ABHD2: variants seen among roughly 807,000 people sequenced by gnomAD.
The protein encoded by ABHD2 is monoacylglycerol lipase ABHD2.
In ABHD2, 20 loss-of-function variants were observed where a neutral mutation model predicts 48.1. The observed-to-expected ratio is 0.42, with a 90% CI of 0.29 to 0.60. The LOEUF (loss-of-function observed/expected upper bound fraction) is 0.60. ABHD2 is among the 20% of genes least tolerant of loss of function. ABHD2 has a pLI of 0.24. For missense variants in ABHD2, 405 were observed against 550.9 expected (o/e 0.74, Z 2.65); for synonymous variants, 209 against 214.2 (o/e 0.98, Z 0.21).
the ABHD2 span, among the ~76,000 whole-genome samples, chr15:89,079,267 T>A: frequency 6.6e-6 from 1 of 152,216 alleles, no homozygotes; most frequent in Non-Finnish European, 1.5e-5. This position sits in a 1 kb window ranked among gnomAD's most constrained non-coding sequence, Gnocchi z 4.3. Context: ...CAAAGCCGCA[T>A]AGGAAAGTAA....
intron 3 of ABHD2, among the ~76,000 whole-genome samples, chr15:89,130,747 T>TC (rs1383210817): frequency 6.6e-6 from 1 of 152,148 alleles, no homozygotes; most frequent in Non-Finnish European, 1.5e-5. Flanking sequence ...TTATGAGATT[T>TC]TTTGTGTGAT....
At position 89,185,599 on chromosome 15, in the gene ABHD2, G is replaced by C; in HGVS notation, c.815+83G>C. 1 of 1,232,286 alleles carries C rather than the reference G, an allele frequency of 8.1e-7. No homozygotes were observed. Among genetic ancestry groups the C allele is most frequent in the Non-Finnish European group, 1.2e-6 (1 of 853,676 alleles). The allele number at this position is 1,232,286 out of a possible 1,614,324, so 76.3% of individuals were successfully genotyped here. On this transcript the variant is annotated intron_variant, in intron 7 of 10. Transcript: ENST00000352732. This position sits in a 1 kb window ranked among gnomAD's most constrained non-coding sequence, Gnocchi z 5.9. ...GGAACCGTGAAAAGCCAGGACTCCT[G>C]TTCCTTCAGGGGAAAAAAAAAAATG...
intron 6 of ABHD2, among the ~76,000 whole-genome samples, chr15:89,180,564 C>G (rs1455043729): frequency 6.6e-6 from 1 of 152,212 alleles, no homozygotes; most frequent in African/African-American, 2.4e-5. Context: ...GATGACCTCT[C>G]TACAGATTGA....
Position 89,091,312 on chromosome 15 carries a change from T to G in ABHD2, c.-107+2749T>G, listed in dbSNP as rs1199217311. ...GATTGAACCAAAGATTATCACTTCATTAAATGGCACCTTCTCATGCTTTAT... is the reference window on the plus strand; with the variant it reads ...GATTGAACCAAAGATTATCACTTCAGTAAATGGCACCTTCTCATGCTTTAT... On this transcript the variant is annotated intron_variant, in intron 1 of 10. Coordinates refer to ENST00000352732, the MANE Select transcript of ABHD2 (RefSeq NM_152924.5). The surrounding 1 kb of genome is among the most constrained non-coding windows in gnomAD (Gnocchi z 5.5). Among the ~76,000 whole-genome samples the G allele has an allele frequency of 6.6e-6, 1 of 152,234 alleles. No individual in the cohort carries two copies. The highest frequency in any genetic ancestry group is 1.5e-5 in the Non-Finnish European group (1 of 68,042).
At chr15:89,052,564 C>A in the ABHD2 span, among the ~76,000 whole-genome samples, 2 of 151,690 alleles carry the variant, frequency 1.3e-5, no homozygotes, top group Admixed American at 1.3e-4. Flanking sequence ...GACAGACACA[C>A]ACACACACAC....
chr15:89,062,412 T>A, the ABHD2 span, among the ~76,000 whole-genome samples: 1 of 151,984 alleles, frequency 6.6e-6, no homozygotes, highest in Non-Finnish European at 1.5e-5. Flanking sequence ...TGAGACAGGG[T>A]CTCACTGTGT....
chr15:89,095,686 C>G (rs1159310881), intron 1 of ABHD2, among the ~76,000 whole-genome samples: 2 of 152,166 alleles, frequency 1.3e-5, no homozygotes, highest in Admixed American at 1.3e-4. Flanking sequence ...CTTCCGTGTC[C>G]CCACCACACT....
the ABHD2 span, among the ~76,000 whole-genome samples, chr15:89,071,529 C>G: frequency 3.1e-4 from 47 of 152,312 alleles, no homozygotes; most frequent in African/African-American, 1.1e-3. Flanking sequence ...AAACAGCATG[C>G]AGTTTATACA....
chr15:89,043,600 AGAG>A, the ABHD2 span, among the ~76,000 whole-genome samples: 1 of 137,208 alleles, frequency 7.3e-6, no homozygotes, highest in South Asian at 2.6e-4. Context: ...AAGGAGGAGG[AGAG>A]GAGGAGGAGA....
At position 89,200,662 on chromosome 15, in the gene ABHD2, C is replaced by CA. The variant is rs200841200; in HGVS notation, c.*5246dup. The CA allele has an allele frequency of 0.017, 3,330 of 198,372 alleles. 121 individuals carry two copies. The highest frequency in any genetic ancestry group is 0.073 in the African/African-American group (3,115 of 42,748). The allele number at this position is 198,372 out of a possible 1,614,324, so 12.3% of individuals were successfully genotyped here. A position where few individuals can be genotyped will look rare whatever the true frequency, so the allele number is the denominator to read the frequency against. ...AAGCCTGTATGACGCTGTACACACA[C>CA]AAAAAAATGGTCACCGCAGGCCATA... is the stretch of plus-strand genomic sequence containing the variant. On this transcript the variant is annotated 3_prime_UTR_variant, in exon 11 of 11. Transcript: ENST00000352732.
chr15:89,134,841 G>T (rs1283276459), intron 3 of ABHD2, among the ~76,000 whole-genome samples: 1 of 152,068 alleles, frequency 6.6e-6, no homozygotes, highest in Non-Finnish European at 1.5e-5. Flanking sequence ...AGCAAGAATG[G>T]GGTCAAGTTT....
At chr15:89,060,245 C>A in the ABHD2 span, among the ~76,000 whole-genome samples, 2 of 151,774 alleles carry the variant, frequency 1.3e-5, no homozygotes, top group African/African-American at 2.4e-5. Flanking sequence ...CACCCACAAC[C>A]ATGCCCGGCT....
At position 89,168,657 on chromosome 15, in the gene ABHD2, G is replaced by A. The variant is rs561592026; in HGVS notation, c.539-7155G>A. On this transcript the variant is annotated intron_variant, in intron 5 of 10. Coordinates refer to ENST00000352732, the MANE Select transcript of ABHD2 (RefSeq NM_152924.5). This position sits in a 1 kb window ranked among gnomAD's most constrained non-coding sequence, Gnocchi z 4.8. ...GGCTCCCAAAGTGCCTACACAATTA[G>A]CTGTAATTGCTCCTCAGTAGTGTAG... is the stretch of plus-strand genomic sequence containing the variant. Among the ~76,000 whole-genome samples, 2 of 152,364 alleles carry A rather than the reference G, an allele frequency of 1.3e-5. No homozygotes were observed. The highest frequency in any genetic ancestry group is 6.5e-5 in the Admixed American group (1 of 15,300).
In ABHD2 at chr15:89,151,045, G is replaced by T. The variant is rs530809463; in HGVS notation, c.195-632G>T. 2.9e-4 allele frequency among the ~76,000 whole-genome samples: 44 copies of T among 152,350 alleles called. No homozygotes were observed. The highest frequency in any genetic ancestry group is 9.9e-4 in the African/African-American group (41 of 41,580). ...TTGTTAGCGAGGCTTCATGCCTTGC[G>T]TAGGCTAACAAGCCTTTATCCTTAA... On this transcript the variant is annotated intron_variant, in intron 3 of 10. Transcript: ENST00000352732. The surrounding 1 kb of genome is among the most constrained non-coding windows in gnomAD (Gnocchi z 4.7).
rs1240347442 is a variant in ABHD2, at chr15:89,114,050, A to T, written c.-7+226A>T. ...CTGTATTACCAGCATATAGTCAGAG[A>T]ATTTCTGGTGGATTTTAGTTTTGGT... On this transcript the variant is annotated intron_variant, in intron 2 of 10. Transcript: ENST00000352732. This position sits in a 1 kb window ranked among gnomAD's most constrained non-coding sequence, Gnocchi z 4.2. Among the ~76,000 whole-genome samples, 1 of 152,202 alleles carries T rather than the reference A, an allele frequency of 6.6e-6. No homozygotes were observed. The highest frequency in any genetic ancestry group is 2.4e-5 in the African/African-American group (1 of 41,446).
At chr15:89,068,101 G>T in the ABHD2 span, among the ~76,000 whole-genome samples, 8 of 151,930 alleles carry the variant, frequency 5.3e-5, no homozygotes, top group African/African-American at 1.9e-4. Flanking sequence ...ACCCCTCAGG[G>T]TCTCCCACAG....
At chr15:89,128,845 A>C (rs1484898700) in intron 3 of ABHD2, among the ~76,000 whole-genome samples, 1 of 152,038 alleles carries the variant, frequency 6.6e-6, no homozygotes. Context: ...AGAGAGGAAG[A>C]GTTTGGGCTT....
the ABHD2 span, among the ~76,000 whole-genome samples, chr15:89,044,864 C>G: frequency 6.6e-6 from 1 of 151,894 alleles, no homozygotes; most frequent in Non-Finnish European, 1.5e-5. Context: ...TGCCTGTTCA[C>G]TCTGATGGTA....
At position 89,173,588 on chromosome 15, in the gene ABHD2, A is replaced by C. The variant is rs1429306353; in HGVS notation, c.539-2224A>C. ...ACTCTGTCTCAAAAACAAACGAACA[A>C]AAAGAAACTTGAATGAATCTGACTT... On this transcript the variant is annotated intron_variant, in intron 5 of 10. Transcript: ENST00000352732. This position sits in a 1 kb window ranked among gnomAD's most constrained non-coding sequence, Gnocchi z 6.5. 6.6e-6 allele frequency among the ~76,000 whole-genome samples: 1 copy of C among 152,204 alleles called. No individual in the cohort carries two copies. Among genetic ancestry groups the C allele is most frequent in the Non-Finnish European group, 1.5e-5 (1 of 68,036 alleles).
Sources: gnomAD v4.1 joint callset for allele counts (sites outside exome capture counted in the v4.1 genomes callset) on GRCh38, gnomAD v4.1.1 for gene constraint, Gnocchi (gnomAD v3.1) non-coding constraint, MANE v1.5 for transcripts, NCBI Gene and HGNC (gene_info 2026-07-23, HGNC 2026-07-21) for gene names.